Variants in TNKS1BP1 observed in about 807,000 individuals in gnomAD.
The protein encoded by TNKS1BP1 is 182 kDa tankyrase-1-binding protein.
TNKS1BP1 carries 48 observed loss-of-function variants against 141.1 expected under a neutral mutation model. The ratio of observed to expected loss-of-function variants is 0.34; its 90% CI spans 0.27 to 0.43. TNKS1BP1 has a LOEUF of 0.43. TNKS1BP1 is among the 20% of genes least tolerant of loss of function. The pLI is 1.00. For missense variants in TNKS1BP1, 2,149 were observed against 2,226.0 expected, an observed-to-expected ratio of 0.97 and a Z score of 0.70; for synonymous variants, 875 against 898.2, an observed-to-expected ratio of 0.97 and a Z score of 0.46.
intron 5 of TNKS1BP1, chr11:57,311,304 G>A (rs1234491229): frequency 8.1e-6 from 8 of 985,746 alleles, no homozygotes; most frequent in Middle Eastern, 5.2e-4. Context: ...TCAGCGCAGC[G>A]TTGGCCAGCA....
rs748693299 is a variant in TNKS1BP1, at chr11:57,313,350, C to T, written c.1338G>A (p.Ser446=). The part of the protein sequence containing the change: ...PSQDQEKLGG[S]LAALPQGQGS... ...CCTGGCCTTGGGGCAGGGCAGCCAGCGAGCCCCCCAGCTTCTCCTGGTCCT... is the reference window on the plus strand; with the variant it reads ...CCTGGCCTTGGGGCAGGGCAGCCAGTGAGCCCCCCAGCTTCTCCTGGTCCT... Residue 446 remains serine (S), a synonymous_variant, in exon 5 of 12, where the codon TCG becomes TCA. Transcript: ENST00000358252. 68 of 1,612,410 alleles carry T rather than the reference C, an allele frequency of 4.2e-5. No individual in the cohort carries two copies. The highest frequency in any genetic ancestry group is 6.7e-5 in the East Asian group (3 of 44,878).
chr11:57,300,501 G>C (rs777024473), intron 11 of TNKS1BP1, 27 bp downstream of exon 11: 10 of 1,612,108 alleles, frequency 6.2e-6, no homozygotes, highest in Non-Finnish European at 8.5e-6. Flanking sequence ...CCTCAGACTG[G>C]ATCCAAGCCC....
rs1420241473 is a variant in TNKS1BP1 at position 57,311,497 on chromosome 11, C to A, written c.2155-941G>T. 3 of 984,216 alleles carry A rather than the reference C, an allele frequency of 3.0e-6. No individual in the cohort carries two copies. The African/African-American group carries it at 5.2e-5, about 17-fold the overall frequency. 61.0% of individuals were successfully genotyped at this position (984,216 alleles called of 1,614,324 possible). On this transcript the variant is annotated intron_variant, in intron 5 of 11. Transcript: ENST00000358252. ...GGCTCTCCCTCACCCTGGCCCTGCT[C>A]CCTCCGGAGCAGCTGCAGCTTGGGC...
rs866795796 is a variant in TNKS1BP1 at position 57,320,620 on chromosome 11, C to A, written c.187G>T (p.Val63Phe). 2.5e-6 allele frequency: 4 copies of A among 1,613,586 alleles called. No individual in the cohort carries two copies. Among genetic ancestry groups the A allele is most frequent in the Non-Finnish European group, 3.4e-6 (4 of 1,179,948 alleles). The change falls in exon 3 of 12, where the codon GTT (valine) becomes TTT (phenylalanine). Residue 63 changes from valine to phenylalanine, a missense_variant. Val to Phe is a conservative substitution (Grantham distance 50, BLOSUM62 -1). Coordinates refer to ENST00000358252, the MANE Select transcript of TNKS1BP1 (RefSeq NM_033396.3). Reference protein sequence around the residue: ...LPAKPSLLVPVGPRPPRGPLA... With the variant: ...LPAKPSLLVPFGPRPPRGPLA... ...GGACCCCGGGGAGGCCGAGGCCCAA[C>A]AGGCACCAGCAGGCTGGGTTTGGCA...
intron 4 of TNKS1BP1, among the ~76,000 whole-genome samples, chr11:57,314,903 C>T (rs1173454477): frequency 6.6e-6 from 1 of 152,192 alleles, no homozygotes; most frequent in African/African-American, 2.4e-5. Flanking sequence ...CTTCTGTTCC[C>T]TCCATGCTCA....
Position 57,324,820 on chromosome 11 carries a change from G to A in TNKS1BP1, c.-66+20C>T, listed in dbSNP as rs1328411141. The stretch of plus-strand genomic sequence containing the variant: ...CCGGACCCCGCCCCCTCCTTCGCCC[G>A]ACCGCCCCCGCGCACTCACGCGCTC... On this transcript the variant is annotated intron_variant, in intron 1 of 11. Coordinates refer to ENST00000358252, the MANE Select transcript of TNKS1BP1 (RefSeq NM_033396.3). 1 of 972,224 alleles carries A rather than the reference G, an allele frequency of 1.0e-6. No homozygotes were observed. The highest frequency in any genetic ancestry group is 1.9e-5 in the African/African-American group (1 of 51,598). 60.2% of individuals were successfully genotyped at this position (972,224 alleles called of 1,614,324 possible).
chr11:57,320,024 C>CCCCCCAAA, intron 3 of TNKS1BP1, 55 bp downstream of exon 3: 1 of 654,164 alleles, frequency 1.5e-6, no homozygotes, highest in Non-Finnish European at 2.6e-6. Flanking sequence ...CCCACCCAAT[C>CCCCCCAAA]CCACCCCACC....
chr11:57,308,404 AAGCT>A lies in TNKS1BP1; in HGVS notation c.4303_4306del (p.Phe1436GlufsTer189). 1 of 1,613,150 alleles carries A rather than the reference AAGCT, an allele frequency of 6.2e-7. No homozygotes were observed. The highest frequency in any genetic ancestry group is 2.2e-5 in the East Asian group (1 of 44,852). On this transcript the variant is annotated frameshift_variant, in exon 6 of 12. Transcript: ENST00000358252. LOFTEE classifies it high-confidence loss of function. ...GGGCTCCGTTCATTACCTTGCTCCG[AAGCT>A]GAGGGCTTCTCCTGTCTCCATTCCA... is the stretch of plus-strand genomic sequence containing the variant.
At chr11:57,311,428 T>C (rs758323062) in intron 5 of TNKS1BP1, 3 of 985,752 alleles carry the variant, frequency 3.0e-6, no homozygotes, top group Non-Finnish European at 3.6e-6. Context: ...GGGATAGAGC[T>C]GGGCTGCTAC....
intron 3 of TNKS1BP1, among the ~76,000 whole-genome samples, chr11:57,318,978 A>G (rs1261438583): frequency 6.6e-6 from 1 of 151,958 alleles, no homozygotes; most frequent in Non-Finnish European, 1.5e-5. Context: ...CCCCATCTCT[A>G]CTAAAAATAC....
At chr11:57,319,940 G>T in intron 3 of TNKS1BP1, 139 bp downstream of exon 3, 1 of 1,044,796 alleles carries the variant, frequency 9.6e-7, no homozygotes, top group Non-Finnish European at 1.4e-6. Flanking sequence ...GGATCTGCCT[G>T]TACTCACAGC....
intron 1 of TNKS1BP1, among the ~76,000 whole-genome samples, chr11:57,324,567 C>A (rs1424145424): frequency 1.3e-5 from 2 of 150,596 alleles, no homozygotes; most frequent in East Asian, 4.0e-4. Flanking sequence ...CCCGGCCCCG[C>A]CCCAAGCCCT....
intron 6 of TNKS1BP1, among the ~76,000 whole-genome samples, chr11:57,306,138 C>T (rs538362046): frequency 6.2e-4 from 95 of 152,152 alleles, no homozygotes; most frequent in African/African-American, 2.1e-3. Context: ...ATTAGCCGGG[C>T]GTGGTGATGT....
In TNKS1BP1 at chr11:57,309,797, C is replaced by T. The variant is rs148640580; in HGVS notation, c.2914G>A (p.Ala972Thr). ...SSGGSSRTLD[A>T]QDRSFGTRPL... ...CTCGTTCCAAAGCTTCTGTCCTGGG[C>T]GTCAAGGGTCCTGGAGCTGCCACCA... is the stretch of plus-strand genomic sequence containing the variant. Residue 972 changes from alanine to threonine, a missense_variant, in exon 6 of 12, where the codon GCC (alanine) becomes ACC (threonine). By Grantham distance (58) the Ala-to-Thr change is moderately conservative (BLOSUM62 0). Coordinates refer to ENST00000358252, the MANE Select transcript of TNKS1BP1 (RefSeq NM_033396.3). This position sits in a 1 kb window ranked among gnomAD's most constrained non-coding sequence, Gnocchi z 4.3. 17 of 1,614,050 alleles carry T rather than the reference C, an allele frequency of 1.1e-5. No homozygotes were observed. The highest frequency in any genetic ancestry group is 2.7e-5 in the African/African-American group (2 of 74,924).
At position 57,313,536 on chromosome 11, in the gene TNKS1BP1, AG is replaced by A. The variant is rs751775914; in HGVS notation, c.1151del (p.Pro384LeufsTer8). 1.3e-6 allele frequency: 2 copies of A among 1,572,392 alleles called. No homozygotes were observed. The highest frequency in any genetic ancestry group is 1.4e-5 in the African/African-American group (1 of 73,828). ...VLEPHSLDQP[P>X]ATSPRPLIEV... ...CGATCAGGGGCCGGGGTGAGGTGGC[AG>A]GGGGCTGATCCAGGCTATGGGGCTC... is the stretch of plus-strand genomic sequence containing the variant. On this transcript the variant is annotated frameshift_variant, in exon 5 of 12. Coordinates refer to ENST00000358252, the MANE Select transcript of TNKS1BP1 (RefSeq NM_033396.3). LOFTEE classifies it high-confidence loss of function.
rs1372771751 is a variant in TNKS1BP1 at position 57,308,959 on chromosome 11, C to A, written c.3752G>T (p.Arg1251Ile). 6.2e-6 allele frequency: 10 copies of A among 1,614,198 alleles called. No individual in the cohort carries two copies. ...GTCAGTCTGCCCCACGCCACTCTCT[C>A]TGGCCTGGCTGTGGCCTCCTCCCTC... ...VGEGGGHSQA[R>I]ESGVGQTDWS... Residue 1251 changes from arginine (R) to isoleucine (I), a missense_variant, in exon 6 of 12, where the codon AGA (arginine) becomes ATA (isoleucine). Arg to Ile is a moderately conservative substitution (Grantham distance 97). Transcript: ENST00000358252.
chr11:57,315,777 C>CTACT (rs1190944369), intron 4 of TNKS1BP1, among the ~76,000 whole-genome samples: 1 of 151,710 alleles, frequency 6.6e-6, no homozygotes, highest in East Asian at 1.9e-4. Context: ...CACACACCAC[C>CTACT]TACTTCCTGC....
chr11:57,300,504 C>A lies in TNKS1BP1; in HGVS notation c.*12+24G>T, dbSNP rs762476657. On this transcript the variant is annotated intron_variant, in intron 11 of 11. Transcript: ENST00000358252. ...AGGGCAGGCCCTCCTCAGACTGGAT[C>A]CAAGCCCAGGAACCTGTCCTCACCT... The A allele has an allele frequency of 1.9e-6, 3 of 1,613,100 alleles. No individual in the cohort carries two copies. In the Admixed American group the frequency reaches 5.0e-5, roughly 27 times the overall value.
At chr11:57,324,262 G>A (rs1260416658) in intron 1 of TNKS1BP1, among the ~76,000 whole-genome samples, 1 of 152,234 alleles carries the variant, frequency 6.6e-6, no homozygotes, top group African/African-American at 2.4e-5. Context: ...GGGCCAACGG[G>A]AAGATGGAAC....
Sources: allele counts gnomAD v4.1 joint callset (sites outside exome capture counted in the v4.1 genomes callset), GRCh38; gene constraint gnomAD v4.1.1; non-coding constraint Gnocchi (gnomAD v3.1); transcripts MANE v1.5; gene names NCBI Gene and HGNC (gene_info 2026-07-23, HGNC 2026-07-21).